Variants in PRKCB observed in about 807,000 individuals in gnomAD.
The protein encoded by PRKCB is protein kinase C beta type.
A neutral mutation model predicts 81.5 loss-of-function variants in PRKCB; 13 were observed. The observed-to-expected ratio is 0.16, with a 90% CI of 0.10 to 0.25. The LOEUF is 0.25. PRKCB is among the 10% of genes least tolerant of loss of function. The pLI, the probability that PRKCB is intolerant of heterozygous loss-of-function variation, is 1.00. For synonymous variants in PRKCB, 335 were observed against 321.4 expected, an observed-to-expected ratio of 1.04 and a Z score of -0.45; for missense variants, 509 against 875.7, an observed-to-expected ratio of 0.58 and a Z score of 5.29.
chr16:23,847,626 A>G (rs1448340789), intron 2 of PRKCB, among the ~76,000 whole-genome samples: 2 of 152,102 alleles, frequency 1.3e-5, no homozygotes, highest in Non-Finnish European at 2.9e-5. Context: ...TATTTATTGG[A>G]TGCCTACCAC....
Position 24,211,557 on chromosome 16 carries a change from CT to C in PRKCB, c.1864-3083del, listed in dbSNP as rs34318557. Among the ~76,000 whole-genome samples, 998 of 130,430 alleles carry C rather than the reference CT, an allele frequency of 7.7e-3. 5 individuals carry two copies. Among genetic ancestry groups the C allele is most frequent in the African/African-American group, 9.4e-3 (329 of 34,984 alleles). 85.6% of individuals were successfully genotyped at this position (130,430 alleles called of 152,430 possible). On this transcript the variant is annotated intron_variant, in intron 16 of 16. Transcript: ENST00000643927. The stretch of plus-strand genomic sequence containing the variant: ...GGTTTGAATTCAGTCTACAGACTCA[CT>C]TTTTTTTTTTTTTTTTTGCGATGGA...
At chr16:23,990,767 C>T (rs888980294) in intron 3 of PRKCB, among the ~76,000 whole-genome samples, 3 of 152,102 alleles carry the variant, frequency 2.0e-5, no homozygotes, top group Admixed American at 6.6e-5. Flanking sequence ...AGGCTGGTCT[C>T]GAATTCCTGG....
chr16:23,889,116 G>GTCCATCCA (rs60798460), intron 2 of PRKCB, among the ~76,000 whole-genome samples: 2,254 of 147,602 alleles, frequency 0.015, 17 homozygotes, highest in African/African-American at 0.024. Flanking sequence ...CTGTTCACTC[G>GTCCATCCA]TCCATCCATC....
At chr16:24,027,806 C>G (rs141324073) in intron 3 of PRKCB, among the ~76,000 whole-genome samples, 1 of 152,142 alleles carries the variant, frequency 6.6e-6, no homozygotes, top group Non-Finnish European at 1.5e-5. Flanking sequence ...GTCTTGCTCT[C>G]CCACCCATGC....
chr16:24,040,483 A>C (rs1306426604), intron 5 of PRKCB, among the ~76,000 whole-genome samples: 1 of 152,092 alleles, frequency 6.6e-6, no homozygotes, highest in African/African-American at 2.4e-5. Context: ...TGGTAACCTG[A>C]GCTTGGCCTT....
chr16:23,847,502 A>G (rs1216237380), intron 2 of PRKCB, among the ~76,000 whole-genome samples: 1 of 150,984 alleles, frequency 6.6e-6, no homozygotes, highest in Non-Finnish European at 1.5e-5. Context: ...CCATTCATTC[A>G]TCCAAACATC....
intron 2 of PRKCB, among the ~76,000 whole-genome samples, chr16:23,948,113 C>A (rs1964228742): frequency 6.6e-6 from 1 of 152,040 alleles, no homozygotes; most frequent in Non-Finnish European, 1.5e-5. Context: ...TTAAGTATGT[C>A]CAGACTGCAG....
At position 24,123,227 on chromosome 16, in the gene PRKCB, G is replaced by T. The variant is rs1220141886; in HGVS notation, c.919-608G>T. 2.0e-5 allele frequency among the ~76,000 whole-genome samples: 3 copies of T among 152,212 alleles called. 1 individual carries two copies. Among genetic ancestry groups the T allele is most frequent in the South Asian group, 4.1e-4 (2 of 4,830 alleles). ...CCAAGCTGGGTTGCTGAAGGGGAGA[G>T]AATAGCCATTTGTACCACAGTAGCA... On this transcript the variant is annotated intron_variant, in intron 8 of 16. Transcript: ENST00000643927.
At chr16:23,852,589 T>A (rs1335396401) in intron 2 of PRKCB, among the ~76,000 whole-genome samples, 2 of 152,202 alleles carry the variant, frequency 1.3e-5, no homozygotes, top group African/African-American at 4.8e-5. Context: ...TTCTCTTGTG[T>A]TTTTGTTTGG....
intron 7 of PRKCB, among the ~76,000 whole-genome samples, chr16:24,104,439 A>G (rs1352891069): frequency 6.6e-6 from 1 of 152,244 alleles, no homozygotes; most frequent in Non-Finnish European, 1.5e-5. Context: ...CCGTGGCCTC[A>G]TGGAGTTTTC....
chr16:24,168,714 CTATTTTTTTTTTTT>C (rs1967391318), intron 10 of PRKCB, among the ~76,000 whole-genome samples: 1 of 120,852 alleles, frequency 8.3e-6, no homozygotes, highest in Non-Finnish European at 1.7e-5. Flanking sequence ...CCATGCCTGG[CTATTTTTTTTTTTT>C]TTTTTTTTTT....
intron 9 of PRKCB, among the ~76,000 whole-genome samples, chr16:24,152,590 G>A (rs188097259): frequency 1.3e-4 from 20 of 152,174 alleles, no homozygotes; most frequent in Admixed American, 9.8e-4. Flanking sequence ...CACATGTCCC[G>A]GCCCCAGCTC....
chr16:24,203,838 G>A (rs80100525), intron 16 of PRKCB, among the ~76,000 whole-genome samples: 9,202 of 152,220 alleles, frequency 0.06, 420 homozygotes, highest in East Asian at 0.18. Flanking sequence ...GAACGGAAAT[G>A]CATCCCTTTT....
chr16:24,214,231 G>A (rs1462358509), intron 16 of PRKCB, among the ~76,000 whole-genome samples: 3 of 152,184 alleles, frequency 2.0e-5, no homozygotes, highest in Admixed American at 6.5e-5. Flanking sequence ...CCCAGGTGAT[G>A]TATAAATGGG....
At chr16:24,126,467 G>A (rs913929705) in intron 9 of PRKCB, among the ~76,000 whole-genome samples, 1 of 152,050 alleles carries the variant, frequency 6.6e-6, no homozygotes. Context: ...ACGGTTCACT[G>A]CAGCCTCGAC....
At chr16:23,918,388 TA>T (rs1161450336) in intron 2 of PRKCB, among the ~76,000 whole-genome samples, 2 of 151,484 alleles carry the variant, frequency 1.3e-5, no homozygotes, top group Admixed American at 1.3e-4. Flanking sequence ...TTTTTATTAT[TA>T]TTATTATTAT....
At chr16:24,091,859 G>A (rs1966381040) in intron 5 of PRKCB, among the ~76,000 whole-genome samples, 1 of 152,138 alleles carries the variant, frequency 6.6e-6, no homozygotes, top group Non-Finnish European at 1.5e-5. Flanking sequence ...GAGTCAGGGT[G>A]GAGCTGAGCT....
intron 10 of PRKCB, 148 bp from the exon 11 acceptor site, chr16:24,172,122 C>A (rs1333290074): frequency 4.6e-6 from 3 of 647,344 alleles, no homozygotes; most frequent in Non-Finnish European, 8.4e-6. Context: ...ACAAACCTTA[C>A]CCTTGGGGAA....
intron 2 of PRKCB, among the ~76,000 whole-genome samples, chr16:23,887,866 G>A (rs775127747): frequency 2.6e-5 from 4 of 152,170 alleles, no homozygotes; most frequent in Non-Finnish European, 5.9e-5. Context: ...CACTGCATAA[G>A]CTATCTGAGT....
Sources: gnomAD v4.1 joint callset for allele counts (sites outside exome capture counted in the v4.1 genomes callset) on GRCh38, gnomAD v4.1.1 for gene constraint, MANE v1.5 for transcripts, NCBI Gene and HGNC (gene_info 2026-07-23, HGNC 2026-07-21) for gene names.